VPS13D: variants seen among roughly 807,000 people sequenced by gnomAD.
VPS13D encodes the protein intermembrane lipid transfer protein VPS13D.
VPS13D carries 187 observed loss-of-function variants against 461.9 expected under a neutral mutation model. The ratio of observed to expected loss-of-function variants is 0.40; its 90% CI spans 0.36 to 0.46. VPS13D has a LOEUF of 0.46. VPS13D is among the 20% of genes least tolerant of loss of function. The pLI is 0.60. For synonymous variants in VPS13D, 1,951 were observed against 1,986.3 expected, an observed-to-expected ratio of 0.98 and a Z score of 0.47; for missense variants, 4,711 against 5,364.9, an observed-to-expected ratio of 0.88 and a Z score of 3.81.
In VPS13D at chr1:12,268,838, T is replaced by C. The variant is rs779306435; in HGVS notation, c.1934T>C (p.Val645Ala). ...IIYNPQAIKK[V>A]ADFFYKGKVH... ...TACAATCCGCAGGCCATTAAAAAAGTAGCAGACTTTTTCTACAAGGGAAAG... is the reference window on the plus strand; with the variant it reads ...TACAATCCGCAGGCCATTAAAAAAGCAGCAGACTTTTTCTACAAGGGAAAG... Residue 645 changes from valine to alanine, a missense_variant, in exon 16 of 70, where the codon GTA (valine) becomes GCA (alanine). This residue lies in a region of VPS13D where 4,411 missense variants were observed against 4,937.8 expected (regional missense o/e 0.89). Coordinates refer to ENST00000620676, the MANE Select transcript of VPS13D (RefSeq NM_015378.4). The C allele has an allele frequency of 1.9e-6, 3 of 1,613,448 alleles. No individual in the cohort carries two copies. In the South Asian group the frequency reaches 3.3e-5, roughly 18 times the overall value.
At chr1:12,448,961 T>A (rs1645227606) in intron 65 of VPS13D, among the ~76,000 whole-genome samples, 2 of 152,210 alleles carry the variant, frequency 1.3e-5, no homozygotes, top group Admixed American at 6.5e-5. Flanking sequence ...TCCTGAGGCC[T>A]GACTTCCTTG....
At chr1:12,231,611 T>G (rs1639975340) in intron 1 of VPS13D, among the ~76,000 whole-genome samples, 1 of 152,246 alleles carries the variant, frequency 6.6e-6, no homozygotes, top group Non-Finnish European at 1.5e-5. Context: ...ACTCTGACCT[T>G]GGCTTCTTGC....
chr1:12,239,263 A>G (rs1298966351), intron 2 of VPS13D, among the ~76,000 whole-genome samples: 2 of 151,970 alleles, frequency 1.3e-5, no homozygotes, highest in Non-Finnish European at 2.9e-5. Flanking sequence ...CAGCCTCCTG[A>G]GTAGCTGGGA....
intron 68 of VPS13D, chr1:12,499,942 A>G: frequency 1.0e-6 from 1 of 985,412 alleles, no homozygotes; most frequent in Non-Finnish European, 1.2e-6. Context: ...AAACATGTTT[A>G]AAGACCTAAT....
chr1:12,459,948 ATTTTT>A (rs779399019), intron 66 of VPS13D, among the ~76,000 whole-genome samples: 1 of 122,130 alleles, frequency 8.2e-6, no homozygotes, highest in Non-Finnish European at 1.7e-5. Context: ...CTTTTCTCTG[ATTTTT>A]TTTTTTTTTT....
At chr1:12,496,215 A>G (rs1249197191) in intron 67 of VPS13D, among the ~76,000 whole-genome samples, 1 of 152,230 alleles carries the variant, frequency 6.6e-6, no homozygotes, top group Non-Finnish European at 1.5e-5. Context: ...AGACGTCCTT[A>G]TAACTGAACT....
At position 12,508,964 on chromosome 1, in the gene VPS13D, T is replaced by C; in HGVS notation, c.13107T>C (p.Tyr4369=). ...TAAACTACGCAAAGAGCCTCTACTA[T>C]GAACAGCAGCTTATGTTAAGACTCA... The part of the protein sequence containing the change: ...QEINYAKSLY[Y]EQQLMLRLSE... Residue 4369 remains tyrosine, a synonymous_variant, in exon 70 of 70, where the codon TAT becomes TAC. Transcript: ENST00000620676. 1 of 1,614,220 alleles carries C rather than the reference T, an allele frequency of 6.2e-7. No homozygotes were observed.
chr1:12,304,758 G>C, intron 26 of VPS13D, 30 bp downstream of exon 26: 1 of 1,608,464 alleles, frequency 6.2e-7, no homozygotes. Context: ...ACATAATACT[G>C]AAGGTGGGGA....
rs185761078 is a variant in VPS13D at position 12,243,207 on chromosome 1, G to A, written c.175+617G>A. On this transcript the variant is annotated intron_variant, in intron 3 of 69. Coordinates refer to ENST00000620676, the MANE Select transcript of VPS13D (RefSeq NM_015378.4). ...TGACCTCAGGTGATCTGCCTGTCTC[G>A]GCCTCCCAAAGTGCTGGGATTACGG... Among the ~76,000 whole-genome samples the A allele has an allele frequency of 6.2e-3, 940 of 151,892 alleles. 8 individuals are homozygous for A. Among genetic ancestry groups the A allele is most frequent in the African/African-American group, 0.021 (860 of 41,444 alleles).
intron 25 of VPS13D, among the ~76,000 whole-genome samples, chr1:12,304,165 T>C (rs1374364465): frequency 6.6e-6 from 1 of 152,246 alleles, no homozygotes; most frequent in Non-Finnish European, 1.5e-5. Context: ...GCTGAGAGAC[T>C]TGCTTTTGCC....
intron 33 of VPS13D, 94 bp from the exon 34 acceptor site, chr1:12,322,442 T>G: frequency 1.6e-6 from 2 of 1,278,566 alleles, no homozygotes; most frequent in Non-Finnish European, 2.2e-6. Context: ...CTGTTGGACT[T>G]TTAGAAGTTG....
Position 12,282,772 on chromosome 1 carries a change from A to G in VPS13D, c.4670A>G (p.Asp1557Gly). The change falls in exon 21 of 70, where the codon GAT (aspartate) becomes GGT (glycine). Residue 1557 changes from aspartate to glycine, a missense_variant. This residue lies in a region of VPS13D where 4,411 missense variants were observed against 4,937.8 expected (regional missense o/e 0.89). Coordinates refer to ENST00000620676, the MANE Select transcript of VPS13D (RefSeq NM_015378.4). ...CTGGACAATCTCGTGTACAGTGAAG[A>G]TCTGAATAAGTATCCAGCCAGTGCT... ...QTLDNLVYSEDLNKYPASATS... is the reference protein window; with the variant it reads ...QTLDNLVYSEGLNKYPASATS... 6.2e-7 allele frequency: 1 copy of G among 1,614,152 alleles called. No individual in the cohort carries two copies. The highest frequency in any genetic ancestry group is 8.5e-7 in the Non-Finnish European group (1 of 1,180,024).
rs1643866002 is a variant in VPS13D at position 12,354,165 on chromosome 1, A to C, written c.9623A>C (p.Lys3208Thr). ...VKGMPINGTL[K>T]PGKEAALHTA... is the part of the protein sequence containing the mutation. ...GGAATGCCAATTAATGGGACGCTGA[A>C]ACCTGGCAAGGAGGCAGCTCTCCAT... The change falls in exon 47 of 70, where the codon AAA becomes ACA. Residue 3208 changes from lysine (K) to threonine (T), a missense_variant. Around this residue, in one of 3 missense-constraint regions of VPS13D, gnomAD observed 4,411 missense variants for 4,937.8 expected, o/e 0.89. Transcript: ENST00000620676. 1 of 1,614,224 alleles carries C rather than the reference A, an allele frequency of 6.2e-7. No homozygotes were observed.
At position 12,508,542 on chromosome 1, in the gene VPS13D, T is replaced by TAA. The variant is rs540771447; in HGVS notation, c.13036-329_13036-328dup. Reference sequence around the variant, plus strand: ...AACACGGTGAAACCCCATCTCTACTTAAAAAAAAAAAAAAAAAAAAAAATC... The same window carrying TAA: ...AACACGGTGAAACCCCATCTCTACTTAAAAAAAAAAAAAAAAAAAAAAAAATC... On this transcript the variant is annotated intron_variant, in intron 69 of 69. Transcript: ENST00000620676. Among the ~76,000 whole-genome samples the TAA allele has an allele frequency of 5.2e-3, 600 of 116,232 alleles. 20 individuals are homozygous for TAA. Among genetic ancestry groups the TAA allele is most frequent in the Admixed American group, 0.046 (523 of 11,388 alleles). 76.3% of individuals were successfully genotyped at this position (116,232 alleles called of 152,430 possible). A position where few individuals can be genotyped will look rare whatever the true frequency, so the allele number is the denominator to read the frequency against.
intron 63 of VPS13D, among the ~76,000 whole-genome samples, chr1:12,406,093 CA>C (rs1240325575): frequency 6.6e-6 from 1 of 151,534 alleles, no homozygotes; most frequent in Non-Finnish European, 1.5e-5. Context: ...GAAACAATTA[CA>C]TGGAGCAGCC....
chr1:12,356,080 T>A lies in VPS13D; in HGVS notation c.9861T>A (p.Ile3287=). ...TCATTTCTGCTCCATATTGGCTGAT[T>A]AACAAAACAGGTACATACAGGGGCT... ...KIFISAPYWL[I]NKTGLPLIFR... The change falls in exon 48 of 70, where the codon ATT becomes ATA. Residue 3287 remains isoleucine, a synonymous_variant. Transcript: ENST00000620676. 5.0e-6 allele frequency: 8 copies of A among 1,609,732 alleles called. No individual in the cohort carries two copies. The highest frequency in any genetic ancestry group is 6.8e-6 in the Non-Finnish European group (8 of 1,177,338).
rs1557667623 is a variant in VPS13D, at chr1:12,256,521, A to G, written c.840+18A>G. On this transcript the variant is annotated intron_variant, in intron 8 of 69. Transcript: ENST00000620676. ...TCTCTCAGGTATGCCCTTTCTTCTC[A>G]GTGGCATCTACTTACTGTCAAACTG... is the stretch of plus-strand genomic sequence containing the variant. The G allele has an allele frequency of 6.2e-7, 1 of 1,612,618 alleles. No individual in the cohort carries two copies. Among genetic ancestry groups the G allele is most frequent in the Admixed American group, 1.7e-5 (1 of 59,878 alleles).
chr1:12,305,753 T>C (rs888696541), intron 26 of VPS13D, among the ~76,000 whole-genome samples: 1 of 152,160 alleles, frequency 6.6e-6, no homozygotes, highest in African/African-American at 2.4e-5. Flanking sequence ...GGCTGCTGAG[T>C]GTCTTGTTAC....
At chr1:12,395,250 A>G (rs1354144196) in intron 60 of VPS13D, among the ~76,000 whole-genome samples, 8 of 152,174 alleles carry the variant, frequency 5.3e-5, no homozygotes, top group African/African-American at 1.7e-4. Context: ...TGTTGCCACT[A>G]CTGGGGATGG....
Sources: allele counts gnomAD v4.1 joint callset (sites outside exome capture counted in the v4.1 genomes callset), GRCh38; gene constraint gnomAD v4.1.1; regional missense constraint gnomAD v4.1.1; transcripts MANE v1.5; gene names NCBI Gene and HGNC (gene_info 2026-07-23, HGNC 2026-07-21).